CEP43: variants seen among roughly 807,000 people sequenced by gnomAD.
CEP43 encodes centrosomal protein 43.
A neutral mutation model predicts 52.6 loss-of-function variants in CEP43; 36 were observed. The observed-to-expected ratio is 0.68, with a 90% CI of 0.52 to 0.90. CEP43 has a LOEUF of 0.90. Ranked by LOEUF, CEP43 falls within the 40% of genes least tolerant of loss-of-function variation. The pLI is 0.00. For synonymous variants in CEP43, 192 were observed against 172.4 expected (o/e 1.11, Z -0.89); for missense variants, 506 against 472.8 (o/e 1.07, Z -0.65).
At chr6:166,999,839 C>T (rs991082063) in intron 1 of CEP43, 1 of 567,288 alleles carries the variant, frequency 1.8e-6, no homozygotes, top group Non-Finnish European at 3.1e-6. Context: ...GCGTCTCTTC[C>T]TCAGGCTCGG....
chr6:167,028,203 T>A, intron 10 of CEP43: 1 of 985,418 alleles, frequency 1.0e-6, no homozygotes, highest in Non-Finnish European at 1.2e-6. Flanking sequence ...CCTTTTAGCT[T>A]TTTTCTCTGA....
rs536031456 is a variant in CEP43 at position 167,040,303 on chromosome 6, C to T, written c.*325C>T. 1.8e-5 allele frequency: 26 copies of T among 1,445,814 alleles called. No homozygotes were observed. Among genetic ancestry groups the T allele is most frequent in the Middle Eastern group, 2.5e-4 (1 of 3,930 alleles). 89.6% of individuals were successfully genotyped at this position (1,445,814 alleles called of 1,614,324 possible). On this transcript the variant is annotated 3_prime_UTR_variant, in exon 13 of 13. Transcript: ENST00000366847. ...GCATGATGAAAGGTGTCAATAAAGCCGTAGGATCGCGCAACCCTTTGTGTG... is the reference window on the plus strand; with the variant it reads ...GCATGATGAAAGGTGTCAATAAAGCTGTAGGATCGCGCAACCCTTTGTGTG...
At chr6:167,031,149 T>A (rs934044023) in intron 10 of CEP43, among the ~76,000 whole-genome samples, 2 of 152,218 alleles carry the variant, frequency 1.3e-5, no homozygotes, top group Non-Finnish European at 1.5e-5. Context: ...CTCAAACTCC[T>A]GGGTGCAAGT....
intron 7 of CEP43, 54 bp from the exon 8 acceptor site, chr6:167,022,355 A>T: frequency 7.9e-7 from 1 of 1,270,668 alleles, no homozygotes; most frequent in Non-Finnish European, 1.1e-6. Flanking sequence ...TATTGAAAAT[A>T]TCTTAAAGTT....
rs1235932999 is a variant in CEP43 at position 167,052,382 on chromosome 6, T to C, written c.*12404T>C. 1 of 152,172 alleles carries C rather than the reference T, an allele frequency of 6.6e-6. No individual in the cohort carries two copies. Among genetic ancestry groups the C allele is most frequent in the African/African-American group, 2.4e-5 (1 of 41,446 alleles). 9.4% of individuals were successfully genotyped at this position (152,172 alleles called of 1,614,324 possible). A position where few individuals can be genotyped will look rare whatever the true frequency, so the allele number is the denominator to read the frequency against. On this transcript the variant is annotated 3_prime_UTR_variant, in exon 13 of 13. Transcript: ENST00000366847. ...AAGGAAGGAAGAGGAAGGAAAAGTG[T>C]GTGAAAGGGGGCTCCACCTCCTTTA... is the stretch of plus-strand genomic sequence containing the variant.
chr6:167,026,487 T>C (rs1780358534), intron 9 of CEP43, 60 bp from the exon 10 acceptor site: 3 of 1,047,238 alleles, frequency 2.9e-6, no homozygotes, highest in Non-Finnish European at 4.5e-6. Flanking sequence ...AAAATTGATG[T>C]GGTTTAGAGA....
chr6:167,023,974 G>C (rs1003086070), intron 8 of CEP43, among the ~76,000 whole-genome samples: 2 of 152,176 alleles, frequency 1.3e-5, no homozygotes, highest in East Asian at 3.9e-4. Context: ...AGGATTTAGG[G>C]CTGAAAAACG....
intron 5 of CEP43, among the ~76,000 whole-genome samples, chr6:167,008,878 T>A (rs1779914825): frequency 6.6e-6 from 1 of 152,172 alleles, no homozygotes. Flanking sequence ...TGGTAAAATA[T>A]GGAGAAGTTA....
intron 7 of CEP43, among the ~76,000 whole-genome samples, chr6:167,013,829 C>T (rs751637201): frequency 6.6e-5 from 10 of 152,108 alleles, no homozygotes; most frequent in African/African-American, 9.7e-5. Flanking sequence ...AAAAATTAGC[C>T]GGCCGTGGTG....
chr6:167,029,017 A>G (rs1333518919), intron 10 of CEP43, among the ~76,000 whole-genome samples: 3 of 152,208 alleles, frequency 2.0e-5, no homozygotes, highest in Non-Finnish European at 2.9e-5. Context: ...CAAATAGTCT[A>G]TATTTTAGGG....
intron 5 of CEP43, 57 bp downstream of exon 5, chr6:167,004,458 C>T: frequency 2.0e-6 from 3 of 1,490,502 alleles, no homozygotes; most frequent in Non-Finnish European, 2.7e-6. Context: ...CTTAGTTTAG[C>T]CATGCAGATT....
At chr6:167,000,965 A>G (rs1779721405) in intron 2 of CEP43, among the ~76,000 whole-genome samples, 3 of 152,222 alleles carry the variant, frequency 2.0e-5, no homozygotes, top group Non-Finnish European at 1.5e-5. Context: ...CTGATGTTGC[A>G]AATTGGCAGG....
At chr6:167,000,896 A>ACT (rs112710345) in intron 2 of CEP43, among the ~76,000 whole-genome samples, 10,510 of 151,898 alleles carry the variant, frequency 0.069, 851 homozygotes, top group African/African-American at 0.19. Flanking sequence ...CAGCAAACTA[A>ACT]CTCTTCCCAC....
Position 167,043,771 on chromosome 6 carries a change from TC to T in CEP43, c.*3795del, listed in dbSNP as rs1780749672. 1.3e-5 allele frequency: 2 copies of T among 152,064 alleles called. No homozygotes were observed. 9.4% of individuals were successfully genotyped at this position (152,064 alleles called of 1,614,324 possible). ...GTTGTCCTAATGCTGCGTTCAGAGT[TC>T]CACACGTTCAACAAGCATCTGACAT... On this transcript the variant is annotated 3_prime_UTR_variant, in exon 13 of 13. Transcript: ENST00000366847.
At chr6:167,010,110 TAACA>T (rs1029360455) in intron 5 of CEP43, among the ~76,000 whole-genome samples, 6 of 152,262 alleles carry the variant, frequency 3.9e-5, no homozygotes, top group Non-Finnish European at 5.9e-5. Context: ...GGGATTTTTG[TAACA>T]AACAGCCAGT....
chr6:167,026,633 T>C lies in CEP43; in HGVS notation c.988+18T>C. The C allele has an allele frequency of 6.7e-7, 1 of 1,488,846 alleles. No individual in the cohort carries two copies. Among genetic ancestry groups the C allele is most frequent in the African/African-American group, 1.4e-5 (1 of 72,570 alleles). 92.2% of individuals were successfully genotyped at this position (1,488,846 alleles called of 1,614,324 possible). A position where few individuals can be genotyped will look rare whatever the true frequency, so the allele number is the denominator to read the frequency against. ...TGGATTAGGTAATTAGATTTCTAGT[T>C]TTTGTGCTGATCGTTTTAAAGTGAT... On this transcript the variant is annotated intron_variant, in intron 10 of 12. Coordinates refer to ENST00000366847, the MANE Select transcript of CEP43 (RefSeq NM_007045.4).
At chr6:167,014,984 T>G (rs1056268307) in intron 7 of CEP43, among the ~76,000 whole-genome samples, 8 of 152,242 alleles carry the variant, frequency 5.3e-5, no homozygotes, top group African/African-American at 1.7e-4. Context: ...ATTGTGGGTT[T>G]CAAACAACTT....
chr6:167,025,279 T>TA (rs1337632003), intron 9 of CEP43: 1 of 154,118 alleles, frequency 6.5e-6, no homozygotes, highest in African/African-American at 2.4e-5. Context: ...GTAAGTATCA[T>TA]AAAATGTTAA....
At chr6:167,026,954 C>A (rs1242663994) in intron 10 of CEP43, among the ~76,000 whole-genome samples, 3 of 152,174 alleles carry the variant, frequency 2.0e-5, no homozygotes, top group Non-Finnish European at 4.4e-5. Context: ...CCAGTCTTGG[C>A]ATTCAGGGAA....
Sources: allele counts gnomAD v4.1 joint callset (sites outside exome capture counted in the v4.1 genomes callset), GRCh38; gene constraint gnomAD v4.1.1; transcripts MANE v1.5; gene names NCBI Gene and HGNC (gene_info 2026-07-23, HGNC 2026-07-21).